Variants in SPTLC3 observed in about 807,000 individuals in gnomAD.
SPTLC3 encodes serine palmitoyltransferase 3.
A neutral mutation model predicts 59.3 loss-of-function variants in SPTLC3; 36 were observed. That is an observed-to-expected ratio of 0.61 (90% CI 0.47 to 0.80). The LOEUF (loss-of-function observed/expected upper bound fraction) is 0.80, where lower values mean the gene tolerates loss of function less well. Among genes scored for constraint, SPTLC3 ranks in the 30% least tolerant of loss-of-function variants. The pLI is 0.00. For synonymous variants in SPTLC3, 257 were observed against 240.8 expected (o/e 1.07, Z -0.62); for missense variants, 625 against 685.1 (o/e 0.91, Z 0.98).
intron 1 of SPTLC3, among the ~76,000 whole-genome samples, chr20:13,023,972 C>T (rs1167200616): frequency 3.3e-5 from 5 of 152,104 alleles, no homozygotes; most frequent in Admixed American, 1.3e-4. Flanking sequence ...TTCTCAGAGT[C>T]GAGTGTCCAA....
At chr20:13,060,377 G>GT in intron 2 of SPTLC3, among the ~76,000 whole-genome samples, 1 of 146,278 alleles carries the variant, frequency 6.8e-6, no homozygotes, top group East Asian at 2.0e-4. Context: ...AAGAGCTAAA[G>GT]TTATTTATTT....
intron 9 of SPTLC3, among the ~76,000 whole-genome samples, chr20:13,143,071 A>G (rs1471687048): frequency 6.6e-6 from 1 of 152,222 alleles, no homozygotes; most frequent in Non-Finnish European, 1.5e-5. Flanking sequence ...ATTCTCTGTG[A>G]TCATCTGCTT....
intron 2 of SPTLC3, among the ~76,000 whole-genome samples, chr20:13,059,067 C>G (rs751869415): frequency 2.8e-4 from 43 of 152,186 alleles, no homozygotes; most frequent in Non-Finnish European, 6.0e-4. Context: ...CAGCAAGGTT[C>G]TGTGGAGGTT....
At position 13,089,490 on chromosome 20, in the gene SPTLC3, A is replaced by G. The variant is rs547382642; in HGVS notation, c.608-1593A>G. Among the ~76,000 whole-genome samples the G allele has an allele frequency of 5.5e-5, 8 of 145,294 alleles. No homozygotes were observed. In the East Asian group the frequency reaches 1.7e-3, roughly 30 times the overall value. On this transcript the variant is annotated intron_variant, in intron 4 of 11. Transcript: ENST00000399002. ...ATTGCCATTTAAATGTGTAATCACT[A>G]TAAAAAAATATCGGGCCAGGTGCAG...
intron 6 of SPTLC3, among the ~76,000 whole-genome samples, chr20:13,105,577 A>C (rs1989844445): frequency 5.9e-5 from 9 of 152,144 alleles, no homozygotes; most frequent in Admixed American, 3.9e-4. Flanking sequence ...TGTTTATGTG[A>C]CCTTTTTGGT....
rs1330411342 is a variant in SPTLC3 at position 13,154,135 on chromosome 20, T to C, written c.1412T>C (p.Val471Ala). ...VPLLLYMPGK[V>A]AAFARHMLEK... Reference sequence around the variant, plus strand: ...CTGCTTCTTTATATGCCTGGTAAAGTAGCGTAAGTATCCAAGGCATCTCAT... The same window carrying C: ...CTGCTTCTTTATATGCCTGGTAAAGCAGCGTAAGTATCCAAGGCATCTCAT... Residue 471 changes from valine (V) to alanine (A), a missense_variant, in exon 10 of 12, where the codon GTA (valine) becomes GCA (alanine). Physicochemically the swap from Val to Ala is moderately conservative, Grantham distance 64. Coordinates refer to ENST00000399002, the MANE Select transcript of SPTLC3 (RefSeq NM_018327.4). 1 of 1,613,936 alleles carries C rather than the reference T, an allele frequency of 6.2e-7. No homozygotes were observed. The highest frequency in any genetic ancestry group is 8.5e-7 in the Non-Finnish European group (1 of 1,179,956).
intron 7 of SPTLC3, among the ~76,000 whole-genome samples, chr20:13,115,936 G>C (rs957406581): frequency 8.5e-5 from 13 of 152,182 alleles, no homozygotes; most frequent in African/African-American, 3.1e-4. Flanking sequence ...TAGGCAGCCA[G>C]ATGGCCAGAC....
chr20:13,151,715 A>C (rs1270130383), intron 9 of SPTLC3, among the ~76,000 whole-genome samples: 2 of 152,214 alleles, frequency 1.3e-5, no homozygotes, highest in East Asian at 3.8e-4. Context: ...AGCAAAGGAA[A>C]ACTTAAAGGA....
chr20:13,111,243 T>C (rs1412892178), intron 7 of SPTLC3, among the ~76,000 whole-genome samples: 1 of 152,184 alleles, frequency 6.6e-6, no homozygotes, highest in Admixed American at 6.5e-5. Context: ...ACCAGCTCAC[T>C]TTCTGCATCA....
At chr20:13,092,104 C>A (rs1011809240) in intron 5 of SPTLC3, among the ~76,000 whole-genome samples, 1 of 152,042 alleles carries the variant, frequency 6.6e-6, no homozygotes, top group African/African-American at 2.4e-5. Flanking sequence ...AATGTCTGTG[C>A]AAAAGTGGTG....
At chr20:13,126,884 C>CT (rs959285838) in intron 9 of SPTLC3, among the ~76,000 whole-genome samples, 167 bp downstream of exon 9, 204 of 152,354 alleles carry the variant, frequency 1.3e-3, no homozygotes, top group African/African-American at 4.3e-3. Flanking sequence ...TACAAAAACC[C>CT]TTTGTTAAAG....
At chr20:13,125,002 T>C (rs2037955844) in intron 8 of SPTLC3, among the ~76,000 whole-genome samples, 1 of 152,230 alleles carries the variant, frequency 6.6e-6, no homozygotes, top group Admixed American at 6.5e-5. Context: ...AGAGAAGGCA[T>C]CTGATCCTTT....
At position 13,167,380 on chromosome 20, in the gene SPTLC3, C is replaced by T. The variant is rs889122183; in HGVS notation, c.*2513C>T. On this transcript the variant is annotated 3_prime_UTR_variant, in exon 12 of 12. Transcript: ENST00000399002. The stretch of plus-strand genomic sequence containing the variant: ...AATTATATCAGAGCCAAAAATGTGT[C>T]TTTGGTTAGATCTGTTGGAAAAGAG... 2.0e-5 allele frequency: 3 copies of T among 152,078 alleles called. No individual in the cohort carries two copies. The highest frequency in any genetic ancestry group is 7.2e-5 in the African/African-American group (3 of 41,408). The allele number at this position is 152,078 out of a possible 1,614,324, so 9.4% of individuals were successfully genotyped here. A position where few individuals can be genotyped will look rare whatever the true frequency, so the allele number is the denominator to read the frequency against.
chr20:13,120,296 G>A (rs1017215237), intron 8 of SPTLC3, among the ~76,000 whole-genome samples: 4 of 152,046 alleles, frequency 2.6e-5, no homozygotes, highest in Non-Finnish European at 5.9e-5. Context: ...TCTCAAATTC[G>A]GGGATTATTG....
At chr20:13,148,813 C>T (rs1344074397) in intron 9 of SPTLC3, among the ~76,000 whole-genome samples, 2 of 152,238 alleles carry the variant, frequency 1.3e-5, no homozygotes, top group Admixed American at 1.3e-4. Flanking sequence ...GTTTGCCAAG[C>T]TCTCCAGATG....
At chr20:13,099,135 G>C (rs77886799) in intron 6 of SPTLC3, among the ~76,000 whole-genome samples, 17 of 152,274 alleles carry the variant, frequency 1.1e-4, no homozygotes. Flanking sequence ...GACTATCCAC[G>C]TAGGTCTAGT....
At chr20:13,053,493 T>A (rs1987587107) in intron 2 of SPTLC3, among the ~76,000 whole-genome samples, 1 of 151,886 alleles carries the variant, frequency 6.6e-6, no homozygotes, top group South Asian at 2.1e-4. Context: ...CTCCAAAGGA[T>A]CACAACTCCT....
At chr20:13,026,059 C>T (rs1039360684) in intron 1 of SPTLC3, among the ~76,000 whole-genome samples, 5 of 152,194 alleles carry the variant, frequency 3.3e-5, no homozygotes, top group Non-Finnish European at 7.3e-5. Flanking sequence ...GACATACTCT[C>T]GTTCTTTTTT....
chr20:13,067,616 A>G (rs963316335), intron 2 of SPTLC3, among the ~76,000 whole-genome samples: 3 of 152,304 alleles, frequency 2.0e-5, no homozygotes, highest in African/African-American at 7.2e-5. Context: ...TAGGATTCAT[A>G]TAAGTACTGA....
Sources: gnomAD v4.1 joint callset for allele counts (sites outside exome capture counted in the v4.1 genomes callset) on GRCh38, gnomAD v4.1.1 for gene constraint, MANE v1.5 for transcripts, NCBI Gene and HGNC (gene_info 2026-07-23, HGNC 2026-07-21) for gene names.